COPB1: variants seen among roughly 807,000 people sequenced by gnomAD.
COPB1 encodes the protein coatomer subunit beta.
In COPB1, 21 loss-of-function variants were observed where a neutral mutation model predicts 108.7. The ratio of observed to expected loss-of-function variants is 0.19; its 90% CI spans 0.14 to 0.28. The LOEUF is 0.28. Ranked by LOEUF, COPB1 falls within the 10% of genes least tolerant of loss-of-function variation. The pLI is 1.00. For synonymous variants in COPB1, 378 were observed against 386.8 expected, an observed-to-expected ratio of 0.98 and a Z score of 0.27; for missense variants, 919 against 1,141.3, an observed-to-expected ratio of 0.81 and a Z score of 2.81.
chr11:14,470,374 G>A (rs548090888), intron 14 of COPB1, among the ~76,000 whole-genome samples: 177 of 152,240 alleles, frequency 1.2e-3, no homozygotes, highest in Non-Finnish European at 2.2e-3. Context: ...GCTGCTAAGC[G>A]TGATCACCTG....
rs533898166 is a variant in COPB1, at chr11:14,484,167, C to T, written c.838-1016G>A. ...CAAACCAGCCAGTATTCTTCAAATGCGTCAAGGTCATGAAAAATAATAAGT... is the reference window on the plus strand; with the variant it reads ...CAAACCAGCCAGTATTCTTCAAATGTGTCAAGGTCATGAAAAATAATAAGT... On this transcript the variant is annotated intron_variant, in intron 7 of 21. Transcript: ENST00000439561. 2.0e-5 allele frequency among the ~76,000 whole-genome samples: 3 copies of T among 152,182 alleles called. No individual in the cohort carries two copies. The South Asian group carries it at 6.2e-4, about 32-fold the overall frequency.
intron 19 of COPB1, among the ~76,000 whole-genome samples, chr11:14,460,571 G>A (rs1311731579): frequency 1.3e-5 from 2 of 151,758 alleles, no homozygotes; most frequent in African/African-American, 4.8e-5. Flanking sequence ...AGGCTAGAGT[G>A]CAGTGCGTCA....
chr11:14,475,534 G>A (rs1382707909), intron 13 of COPB1, among the ~76,000 whole-genome samples: 1 of 152,154 alleles, frequency 6.6e-6, no homozygotes, highest in Middle Eastern at 3.2e-3. Context: ...AGCATTTTCT[G>A]AGTAAAAATA....
intron 16 of COPB1, among the ~76,000 whole-genome samples, chr11:14,467,261 C>A (rs1205690795): frequency 6.6e-6 from 1 of 151,886 alleles, no homozygotes; most frequent in Admixed American, 6.6e-5. Context: ...AGAAAATATA[C>A]AAATGGCCAA....
chr11:14,463,641 G>T (rs543014527), intron 18 of COPB1, among the ~76,000 whole-genome samples: 1 of 152,236 alleles, frequency 6.6e-6, no homozygotes, highest in South Asian at 2.1e-4. Flanking sequence ...TAGACCTCTT[G>T]TTTGTGTCCC....
intron 5 of COPB1, 87 bp downstream of exon 5, chr11:14,490,478 C>A: frequency 2.8e-6 from 2 of 704,672 alleles, no homozygotes; most frequent in South Asian, 2.5e-5. Context: ...AACAAAATTA[C>A]TGACTAAAAA....
chr11:14,468,615 G>T, intron 16 of COPB1, 66 bp downstream of exon 16: 2 of 1,415,988 alleles, frequency 1.4e-6, no homozygotes. Flanking sequence ...TTTAAAAATA[G>T]CAGCACTAAC....
intron 8 of COPB1, 22 bp downstream of exon 8, chr11:14,483,010 C>T: frequency 6.6e-7 from 1 of 1,519,786 alleles, no homozygotes. Flanking sequence ...TTTAGGATCT[C>T]TCTTTTTCAG....
chr11:14,476,997 T>C lies in COPB1; in HGVS notation c.1377A>G (p.Leu459=). 2 of 1,609,556 alleles carry C rather than the reference T, an allele frequency of 1.2e-6. No homozygotes were observed. Among genetic ancestry groups the C allele is most frequent in the Non-Finnish European group, 1.7e-6 (2 of 1,175,912 alleles). Residue 459 remains leucine (L), a synonymous_variant, in exon 12 of 22, where the codon TTA becomes TTG. Coordinates refer to ENST00000439561, the MANE Select transcript of COPB1 (RefSeq NM_001144061.2). ...IKSVKIYRGA[L]WILGEYCSTK... is the part of the protein sequence containing the mutation. ...TACTACAGTATTCTCCCAGGATCCA[T>C]AATGCTCCTCGGTAAATCCTAGCAC...
chr11:14,474,866 C>T (rs567127412), intron 13 of COPB1, among the ~76,000 whole-genome samples: 15 of 152,094 alleles, frequency 9.9e-5, no homozygotes, highest in East Asian at 9.7e-4. Flanking sequence ...GAGGCCAAGG[C>T]GGGCGGATTA....
intron 14 of COPB1, among the ~76,000 whole-genome samples, chr11:14,471,620 AAAAC>A (rs1850404298): frequency 6.6e-6 from 1 of 152,174 alleles, no homozygotes; most frequent in South Asian, 2.1e-4. Flanking sequence ...AATTAAAACA[AAAAC>A]AAAAAGAACC....
intron 14 of COPB1, 36 bp from the exon 15 acceptor site, chr11:14,469,599 T>C: frequency 3.9e-6 from 6 of 1,535,920 alleles, no homozygotes; most frequent in Non-Finnish European, 5.4e-6. Context: ...TGATATTGTC[T>C]TGATTCTCAG....
chr11:14,461,111 T>C, intron 19 of COPB1, 75 bp downstream of exon 19: 2 of 1,568,326 alleles, frequency 1.3e-6, no homozygotes, highest in Admixed American at 1.8e-5. Flanking sequence ...GAGATTAATT[T>C]TATTAGCAGA....
At position 14,483,141 on chromosome 11, in the gene COPB1, T is replaced by C. The variant is rs1281082332; in HGVS notation, c.848A>G (p.Gln283Arg). ...SAPTAIKAAA[Q>R]CYIDLIIKES... ...CTTAATAATTAAATCAATGTAACAC[T>C]GAGCAGCAGCCTATATAAAAAAAGA... The change falls in exon 8 of 22, where the codon CAG becomes CGG. Residue 283 changes from glutamine (Q) to arginine (R), a missense_variant. By Grantham distance (43) the Gln-to-Arg change is conservative. Coordinates refer to ENST00000439561, the MANE Select transcript of COPB1 (RefSeq NM_001144061.2). 2.4e-5 allele frequency: 38 copies of C among 1,551,804 alleles called. No homozygotes were observed. Among genetic ancestry groups the C allele is most frequent in the Non-Finnish European group, 3.1e-5 (35 of 1,140,922 alleles).
chr11:14,459,703 C>A (rs1251226480), intron 20 of COPB1, among the ~76,000 whole-genome samples: 2 of 151,000 alleles, frequency 1.3e-5, no homozygotes, highest in Non-Finnish European at 3.0e-5. Context: ...GCAACCTCCA[C>A]CCCCTGGGGT....
intron 5 of COPB1, among the ~76,000 whole-genome samples, chr11:14,488,908 T>C (rs1214342989): frequency 6.6e-6 from 1 of 152,180 alleles, no homozygotes; most frequent in Non-Finnish European, 1.5e-5. Context: ...GTTATTCCTA[T>C]TACTGAGACC....
Position 14,458,660 on chromosome 11 carries a change from C to A in COPB1, c.2674G>T (p.Ala892Ser). The A allele has an allele frequency of 6.2e-7, 1 of 1,611,512 alleles. No homozygotes were observed. The highest frequency in any genetic ancestry group is 8.5e-7 in the Non-Finnish European group (1 of 1,179,024). Residue 892 changes from alanine (A) to serine (S), a missense_variant, in exon 21 of 22, where the codon GCA becomes TCA. Physicochemically the swap from Ala to Ser is moderately conservative, Grantham distance 99. Around this residue, in one of 5 missense-constraint regions of COPB1, gnomAD observed 705 missense variants for 817.8 expected, o/e 0.86. Coordinates refer to ENST00000439561, the MANE Select transcript of COPB1 (RefSeq NM_001144061.2). Reference sequence around the variant, plus strand: ...ATGGAACGAGCATAAAGGTTGGCTGCCATAAAGCCACAGTAACCAGAAAGG... The same window carrying A: ...ATGGAACGAGCATAAAGGTTGGCTGACATAAAGCCACAGTAACCAGAAAGG... Reference protein sequence around the residue: ...KALSGYCGFMAANLYARSIFG... With the variant: ...KALSGYCGFMSANLYARSIFG...
intron 14 of COPB1, among the ~76,000 whole-genome samples, chr11:14,473,766 G>A (rs1850459986): frequency 6.6e-6 from 1 of 150,742 alleles, no homozygotes; most frequent in Non-Finnish European, 1.5e-5. Flanking sequence ...GATATGAAGT[G>A]AGCATATGCT....
At chr11:14,471,054 G>A (rs946447357) in intron 14 of COPB1, among the ~76,000 whole-genome samples, 5 of 151,716 alleles carry the variant, frequency 3.3e-5, no homozygotes, top group African/African-American at 1.2e-4. Context: ...AAAAACAGAA[G>A]ACTTAGAATC....
Sources: allele counts gnomAD v4.1 joint callset (sites outside exome capture counted in the v4.1 genomes callset), GRCh38; gene constraint gnomAD v4.1.1; regional missense constraint gnomAD v4.1.1; transcripts MANE v1.5; gene names NCBI Gene and HGNC (gene_info 2026-07-23, HGNC 2026-07-21).